Variants in BACH2 observed in about 807,000 individuals in gnomAD.
The protein encoded by BACH2 is BACH transcriptional regulator 2.
Under a neutral mutation model 61.8 loss-of-function variants are expected in BACH2, and 5 were observed. The observed-to-expected ratio is 0.08, with a 90% CI of 0.04 to 0.17. The LOEUF is 0.17. Among genes scored for constraint, BACH2 ranks in the 10% least tolerant of loss-of-function variants. The probability of loss-of-function intolerance (pLI) is 1.00; values close to 1 mark genes in which losing one functional copy is unlikely to be tolerated. For missense variants in BACH2, 824 were observed against 1,091.1 expected (o/e 0.76, Z 3.45); for synonymous variants, 446 against 440.1 (o/e 1.01, Z -0.17).
chr6:90,008,951 T>C lies in BACH2; in HGVS notation c.-12-95A>G. The C allele has an allele frequency of 6.9e-7, 1 of 1,439,088 alleles. No individual in the cohort carries two copies. Among genetic ancestry groups the C allele is most frequent in the Non-Finnish European group, 9.3e-7 (1 of 1,071,388 alleles). The allele number at this position is 1,439,088 out of a possible 1,614,324, so 89.1% of individuals were successfully genotyped here. A position where few individuals can be genotyped will look rare whatever the true frequency, so the allele number is the denominator to read the frequency against. On this transcript the variant is annotated intron_variant, in intron 5 of 8. Coordinates refer to ENST00000257749, the MANE Select transcript of BACH2 (RefSeq NM_021813.4). This position sits in a 1 kb window ranked among gnomAD's most constrained non-coding sequence, Gnocchi z 4.1. ...GAGGAGGTGAGAAAGAACATCATGG[T>C]TCCTGTGTCCCACTGCCATGAGCAT...
chr6:89,960,873 T>TA (rs1774705089), intron 6 of BACH2, among the ~76,000 whole-genome samples: 1 of 152,248 alleles, frequency 6.6e-6, no homozygotes, highest in African/African-American at 2.4e-5. Context: ...TCAGAATGGT[T>TA]ATGGGGCTAT....
At chr6:90,238,292 T>C (rs1770325255) in intron 3 of BACH2, among the ~76,000 whole-genome samples, 1 of 152,220 alleles carries the variant, frequency 6.6e-6, no homozygotes, top group African/African-American at 2.4e-5. Flanking sequence ...AGAAAAATTA[T>C]GGGAAGACAC....
intron 1 of BACH2, among the ~76,000 whole-genome samples, chr6:90,286,869 T>C (rs1388493005): frequency 6.6e-6 from 1 of 151,796 alleles, no homozygotes; most frequent in Admixed American, 6.6e-5. Context: ...GAGAAACAAG[T>C]ACAAAGAGGG....
chr6:90,173,714 T>C (rs998606001), intron 4 of BACH2, among the ~76,000 whole-genome samples: 1 of 152,314 alleles, frequency 6.6e-6, no homozygotes, highest in East Asian at 1.9e-4. Context: ...AGGAACTTTC[T>C]GGTGTGACGG....
chr6:90,126,107 T>C (rs920753506), intron 4 of BACH2, among the ~76,000 whole-genome samples: 1 of 152,084 alleles, frequency 6.6e-6, no homozygotes, highest in South Asian at 2.1e-4. Flanking sequence ...AATAAACATA[T>C]TTTAGGATGT....
intron 5 of BACH2, among the ~76,000 whole-genome samples, chr6:90,086,233 G>A (rs1159814729): frequency 6.6e-6 from 1 of 152,104 alleles, no homozygotes; most frequent in East Asian, 1.9e-4. Flanking sequence ...CCATTCACCT[G>A]TAGATGGACA....
intron 4 of BACH2, among the ~76,000 whole-genome samples, chr6:90,167,492 G>A (rs1448145693): frequency 6.6e-6 from 1 of 152,078 alleles, no homozygotes; most frequent in Admixed American, 6.6e-5. Context: ...AATAGCTGGG[G>A]ATTACAGGCA....
At chr6:89,971,733 C>T (rs145367152) in intron 6 of BACH2, among the ~76,000 whole-genome samples, 2 of 152,272 alleles carry the variant, frequency 1.3e-5, no homozygotes, top group Admixed American at 6.5e-5. Flanking sequence ...CTGGCAAAGA[C>T]AGAATGAGAG....
At chr6:90,286,800 T>C (rs1253470955) in intron 1 of BACH2, among the ~76,000 whole-genome samples, 2 of 151,916 alleles carry the variant, frequency 1.3e-5, no homozygotes, top group African/African-American at 4.8e-5. Flanking sequence ...TACTTACCGG[T>C]TTTAAGTACT....
chr6:89,986,696 T>A (rs1776259935), intron 6 of BACH2, among the ~76,000 whole-genome samples: 1 of 152,212 alleles, frequency 6.6e-6, no homozygotes. Flanking sequence ...TCCATCTGAA[T>A]TGTATACTTG....
chr6:90,175,430 C>T (rs902019134), intron 4 of BACH2, among the ~76,000 whole-genome samples: 1 of 151,970 alleles, frequency 6.6e-6, no homozygotes, highest in Non-Finnish European at 1.5e-5. Flanking sequence ...AGAAAAACAA[C>T]AAATGAACAA....
intron 6 of BACH2, among the ~76,000 whole-genome samples, chr6:89,970,848 A>G (rs1323077894): frequency 6.6e-6 from 1 of 152,222 alleles, no homozygotes; most frequent in Non-Finnish European, 1.5e-5. Context: ...AGAACACAAG[A>G]TATTTCTATA....
chr6:90,274,177 T>C (rs1213820790), intron 1 of BACH2, among the ~76,000 whole-genome samples: 2 of 152,224 alleles, frequency 1.3e-5, no homozygotes, highest in Non-Finnish European at 2.9e-5. Context: ...GCTTCCATCA[T>C]AAAATGCATT....
At chr6:90,194,448 C>A (rs1008811886) in intron 4 of BACH2, among the ~76,000 whole-genome samples, 1 of 152,014 alleles carries the variant, frequency 6.6e-6, no homozygotes, top group Admixed American at 6.5e-5. Context: ...TATAGAAAAG[C>A]TAGGATGATT....
intron 6 of BACH2, among the ~76,000 whole-genome samples, chr6:90,004,034 T>A: frequency 6.6e-6 from 1 of 152,320 alleles, no homozygotes; most frequent in African/African-American, 2.4e-5. Context: ...CCAAAGATAA[T>A]CATGACTGTC....
chr6:89,953,776 T>C (rs1774260172), intron 6 of BACH2, among the ~76,000 whole-genome samples: 1 of 152,204 alleles, frequency 6.6e-6, no homozygotes, highest in Non-Finnish European at 1.5e-5. Flanking sequence ...TTAGAGAGTG[T>C]TGTCTCAAGT....
At chr6:89,948,505 G>A (rs1056477552) in intron 7 of BACH2, among the ~76,000 whole-genome samples, 2 of 152,132 alleles carry the variant, frequency 1.3e-5, no homozygotes, top group African/African-American at 4.8e-5. Flanking sequence ...ACCATGCCCG[G>A]CCCCAGGCTC....
intron 3 of BACH2, among the ~76,000 whole-genome samples, chr6:90,220,136 A>T (rs1273112097): frequency 6.6e-6 from 1 of 152,110 alleles, no homozygotes; most frequent in Non-Finnish European, 1.5e-5. Context: ...AATTTATAGA[A>T]TTTTTTCACA....
At chr6:90,133,315 T>C (rs1582403809) in intron 4 of BACH2, among the ~76,000 whole-genome samples, 1 of 152,116 alleles carries the variant, frequency 6.6e-6, no homozygotes, top group Non-Finnish European at 1.5e-5. Flanking sequence ...GAGATGTAAC[T>C]GGCCCCTCTG....
Sources: gnomAD v4.1 joint callset for allele counts (sites outside exome capture counted in the v4.1 genomes callset) on GRCh38, gnomAD v4.1.1 for gene constraint, Gnocchi (gnomAD v3.1) non-coding constraint, MANE v1.5 for transcripts, NCBI Gene and HGNC (gene_info 2026-07-23, HGNC 2026-07-21) for gene names.